Variants in FAT1 observed in about 807,000 individuals in gnomAD.
FAT1 encodes protocadherin Fat 1.
Under a neutral mutation model 329.8 loss-of-function variants are expected in FAT1, and 171 were observed. That is an observed-to-expected ratio of 0.52 (90% confidence interval 0.46 to 0.59). The LOEUF (loss-of-function observed/expected upper bound fraction) is 0.59, where lower values mean the gene tolerates loss of function less well. Among genes scored for constraint, FAT1 ranks in the 20% least tolerant of loss-of-function variants. The pLI is 0.00. For missense variants in FAT1, 5,672 were observed against 5,774.4 expected (o/e 0.98, Z 0.57); for synonymous variants, 2,233 against 2,228.6 (o/e 1.00, Z -0.06).
chr4:186,724,332 CG>C (rs1745632091), upstream of FAT1, among the ~76,000 whole-genome samples: 1 of 152,050 alleles, frequency 6.6e-6, no homozygotes, highest in African/African-American at 2.4e-5. The surrounding 1 kb of genome is among the most constrained non-coding windows in gnomAD (Gnocchi z 5.3). Context: ...GGGCTGAAGT[CG>C]TCCTTCAGGT....
At chr4:186,617,682 AACCG>A in intron 10 of FAT1, 22 bp downstream of exon 10, 1 of 1,508,832 alleles carries the variant, frequency 6.6e-7, no homozygotes, top group Non-Finnish European at 8.9e-7. Flanking sequence ...AAATTAATTA[AACCG>A]TTTGGTATGA....
chr4:186,635,826 C>A lies in FAT1; in HGVS notation c.4183+199G>T, dbSNP rs1438005753. Reference sequence around the variant, plus strand: ...TCAATAACTTGGTAGAATAGAGCACCTATTTTAAGCAAGTTTAACATATGC... The same window carrying A: ...TCAATAACTTGGTAGAATAGAGCACATATTTTAAGCAAGTTTAACATATGC... On this transcript the variant is annotated intron_variant, in intron 6 of 26. Transcript: ENST00000441802. 3.3e-5 allele frequency among the ~76,000 whole-genome samples: 5 copies of A among 152,040 alleles called. No homozygotes were observed. The East Asian group carries it at 9.6e-4, about 29-fold the overall frequency.
intron 25 of FAT1, 48 bp from the exon 26 acceptor site, chr4:186,595,874 T>TA (rs1469637394): frequency 6.2e-7 from 1 of 1,602,670 alleles, no homozygotes; most frequent in Non-Finnish European, 8.5e-7. Flanking sequence ...AAGACGGTTT[T>TA]GTTCACCGCT....
In FAT1 at chr4:186,628,514, C is replaced by T. The variant is rs758145846; in HGVS notation, c.4573G>A (p.Val1525Ile). The T allele has an allele frequency of 6.2e-7, 1 of 1,613,998 alleles. No homozygotes were observed. The highest frequency in any genetic ancestry group is 8.5e-7 in the Non-Finnish European group (1 of 1,179,888). The change falls in exon 8 of 27, where the codon GTT becomes ATT. Residue 1525 changes from valine to isoleucine, a missense_variant. Val to Ile is a conservative substitution (Grantham distance 29, BLOSUM62 3). This residue lies in a region of FAT1 where 3,966 missense variants were observed against 3,915.2 expected (regional missense o/e 1.01). Coordinates refer to ENST00000441802, the MANE Select transcript of FAT1 (RefSeq NM_005245.4). ...YTSEKLDHEA[V>I]HQHTLTVMVR... ...ATGACCGTGAGGGTGTGCTGGTGAACAGCTTCATGATCCAGTTTCTCAGAA... is the reference window on the plus strand; with the variant it reads ...ATGACCGTGAGGGTGTGCTGGTGAATAGCTTCATGATCCAGTTTCTCAGAA...
intron 2 of FAT1, among the ~76,000 whole-genome samples, chr4:186,680,510 C>T (rs1743162463): frequency 6.6e-6 from 1 of 152,154 alleles, no homozygotes; most frequent in Admixed American, 6.5e-5. Flanking sequence ...GGAAGAAAAA[C>T]ACTCCCAAAT....
chr4:186,672,674 A>G (rs1225912887), intron 2 of FAT1, among the ~76,000 whole-genome samples: 1 of 152,212 alleles, frequency 6.6e-6, no homozygotes, highest in Non-Finnish European at 1.5e-5. Context: ...ATCATATCCT[A>G]TTTCACAGAA....
chr4:186,682,520 C>CT (rs1303029031), intron 2 of FAT1, among the ~76,000 whole-genome samples: 1 of 46,162 alleles, frequency 2.2e-5, no homozygotes, highest in East Asian at 6.6e-4. Context: ...GAGCGAGACT[C>CT]TGTCTCAAAA....
chr4:186,621,300 C>A lies in FAT1; in HGVS notation c.5286G>T (p.Ala1762=), dbSNP rs749180511. 6.2e-7 allele frequency: 1 copy of A among 1,613,974 alleles called. No homozygotes were observed. The highest frequency in any genetic ancestry group is 1.1e-5 in the South Asian group (1 of 91,084). The change falls in exon 10 of 27, where the codon GCG becomes GCT. Residue 1762 remains alanine (A), a synonymous_variant. Coordinates refer to ENST00000441802, the MANE Select transcript of FAT1 (RefSeq NM_005245.4). ...LVHLQDENDN[A]PVFMQAEYTG... ...TATATTCTGCCTGCATAAAAACTGG[C>A]GCGTTGTCATTCTCATCCTGCAAGT... is the stretch of plus-strand genomic sequence containing the variant.
At position 186,628,775 on chromosome 4, in the gene FAT1, G is replaced by T. The variant is rs2126545748; in HGVS notation, c.4324-12C>A. On this transcript the variant is annotated splice_polypyrimidine_tract_variant and intron_variant, in intron 7 of 26. Transcript: ENST00000441802. ...ACTTTGATGAATACCTGTAATGGAT[G>T]ACAAAATGACTCATACAATATTTCC... 6.2e-7 allele frequency: 1 copy of T among 1,606,034 alleles called. No homozygotes were observed. The highest frequency in any genetic ancestry group is 1.1e-5 in the South Asian group (1 of 90,210).
chr4:186,592,776 T>C lies in FAT1; in HGVS notation c.13138+2913A>G, dbSNP rs1448812801. The C allele has an allele frequency of 3.1e-5, 14 of 456,256 alleles. No individual in the cohort carries two copies. The Admixed American group carries it at 3.3e-4, about 11-fold the overall frequency. The allele number at this position is 456,256 out of a possible 1,614,324, so 28.3% of individuals were successfully genotyped here. ...AGCTTGCAAAAAGGTACAAAAGCAG[T>C]CAATTAGGAACATCTTCAGTTAGTT... On this transcript the variant is annotated intron_variant, in intron 26 of 26. Coordinates refer to ENST00000441802, the MANE Select transcript of FAT1 (RefSeq NM_005245.4).
intron 1 of FAT1, among the ~76,000 whole-genome samples, chr4:186,714,787 C>T (rs948938500): frequency 1.2e-4 from 18 of 152,182 alleles, no homozygotes; most frequent in African/African-American, 4.1e-4. Flanking sequence ...AATATAAATA[C>T]TCACTAATCC....
chr4:186,706,297 T>C (rs777775433), intron 2 of FAT1, among the ~76,000 whole-genome samples: 3 of 152,220 alleles, frequency 2.0e-5, no homozygotes, highest in Admixed American at 2.0e-4. Context: ...TCAGTATCAG[T>C]GATAACAATT....
intron 22 of FAT1, 114 bp from the exon 23 acceptor site, chr4:186,598,239 TCTCA>T (rs1738632897): frequency 4.7e-6 from 5 of 1,054,710 alleles, no homozygotes; most frequent in South Asian, 4.2e-5. Context: ...CTCGTAAAAT[TCTCA>T]CTCTCTCTGG....
chr4:186,705,565 C>T (rs1744544277), intron 2 of FAT1, among the ~76,000 whole-genome samples: 1 of 152,200 alleles, frequency 6.6e-6, no homozygotes, highest in African/African-American at 2.4e-5. Flanking sequence ...TCATTTACTC[C>T]TGCAGTCTTT....
At chr4:186,671,489 G>A (rs1742724417) in intron 2 of FAT1, among the ~76,000 whole-genome samples, 1 of 152,202 alleles carries the variant, frequency 6.6e-6, no homozygotes, top group East Asian at 1.9e-4. Flanking sequence ...CCTGAGGTCA[G>A]GAGTTAAAGA....
Position 186,597,719 on chromosome 4 carries a change from C to T in FAT1, c.12331G>A (p.Ala4111Thr), listed in dbSNP as rs755592521. ...AAACCCGAATCACACTGACAAACGG[C>T]GCCATCCAAACTGTCAAAGCATGTT... ...GGTCFDSLDG[A>T]VCQCDSGFRG... The change falls in exon 24 of 27, where the codon GCC becomes ACC. Residue 4111 changes from alanine to threonine, a missense_variant. Transcript: ENST00000441802. The T allele has an allele frequency of 1.3e-5, 21 of 1,613,716 alleles. No individual in the cohort carries two copies. Among genetic ancestry groups the T allele is most frequent in the South Asian group, 1.1e-4 (10 of 91,076 alleles).
intron 9 of FAT1, among the ~76,000 whole-genome samples, chr4:186,623,228 G>C (rs887626927): frequency 6.6e-6 from 1 of 152,212 alleles, no homozygotes; most frequent in African/African-American, 2.4e-5. Context: ...GCCGAGAACT[G>C]GGTCCTGCTG....
At chr4:186,702,291 A>C (rs1317292750) in intron 2 of FAT1, among the ~76,000 whole-genome samples, 1 of 152,226 alleles carries the variant, frequency 6.6e-6, no homozygotes, top group Non-Finnish European at 1.5e-5. Context: ...ATCAAAACGT[A>C]AATTTCAATC....
At chr4:186,616,935 T>G in intron 11 of FAT1, 70 bp downstream of exon 11, 1 of 1,381,448 alleles carries the variant, frequency 7.2e-7, no homozygotes, top group East Asian at 2.3e-5. Context: ...CAGCGCCAAA[T>G]GATGGTCCCA....
Sources: allele counts gnomAD v4.1 joint callset (sites outside exome capture counted in the v4.1 genomes callset), GRCh38; gene constraint gnomAD v4.1.1; regional missense constraint gnomAD v4.1.1; non-coding constraint Gnocchi (gnomAD v3.1); transcripts MANE v1.5; gene names NCBI Gene and HGNC (gene_info 2026-07-23, HGNC 2026-07-21).